The following PREX2 variants were observed in gnomAD, a reference collection of about 807,000 sequenced individuals.
PREX2 encodes the protein phosphatidylinositol 3,4,5-trisphosphate-dependent Rac exchanger 2 protein.
A neutral mutation model predicts 203.2 loss-of-function variants in PREX2; 107 were observed. The observed-to-expected ratio is 0.53, with a 90% CI of 0.45 to 0.62. The LOEUF is 0.62. PREX2 is among the 20% of genes least tolerant of loss of function. PREX2 has a pLI of 0.00. For missense variants in PREX2, 1,777 were observed against 1,955.9 expected (o/e 0.91, Z 1.72); for synonymous variants, 672 against 663.6 (o/e 1.01, Z -0.19).
chr8:68,050,207 A>G (rs990380936), intron 8 of PREX2, among the ~76,000 whole-genome samples: 4 of 152,134 alleles, frequency 2.6e-5, no homozygotes, highest in African/African-American at 7.2e-5. Context: ...TAGTGCAGCA[A>G]TTAAGCTGTT....
intron 18 of PREX2, among the ~76,000 whole-genome samples, chr8:68,086,240 G>GA (rs1809687264): frequency 6.6e-6 from 1 of 152,136 alleles, no homozygotes; most frequent in South Asian, 2.1e-4. Context: ...TCCGAGAGCA[G>GA]AAAATCTTCA....
intron 35 of PREX2, among the ~76,000 whole-genome samples, chr8:68,159,760 A>G (rs1056594268): frequency 1.3e-5 from 2 of 152,228 alleles, no homozygotes; most frequent in East Asian, 1.9e-4. Context: ...TAAAAGAACC[A>G]GTATATCTAA....
chr8:68,133,860 CG>C (rs1240742571), intron 31 of PREX2, among the ~76,000 whole-genome samples, 198 bp from the exon 32 acceptor site: 10 of 152,024 alleles, frequency 6.6e-5, no homozygotes, highest in African/African-American at 2.4e-4. Flanking sequence ...ATATTTCTAA[CG>C]TTTTTTGGTG....
At chr8:68,060,621 A>G in intron 10 of PREX2, 58 bp from the exon 11 acceptor site, 1 of 1,191,160 alleles carries the variant, frequency 8.4e-7, no homozygotes, top group Non-Finnish European at 1.2e-6. Flanking sequence ...GATGGTATAG[A>G]AAGACTTGCT....
At chr8:68,087,879 T>C in intron 19 of PREX2, 70 bp downstream of exon 19, 1 of 979,252 alleles carries the variant, frequency 1.0e-6, no homozygotes, top group Admixed American at 1.7e-5. Context: ...AACAGGAATG[T>C]GTTTAAAATA....
chr8:67,975,672 G>T (rs1806056355), intron 1 of PREX2, among the ~76,000 whole-genome samples: 1 of 146,432 alleles, frequency 6.8e-6, no homozygotes, highest in African/African-American at 2.5e-5. Flanking sequence ...ATATTTATCA[G>T]GATAGTAACT....
intron 1 of PREX2, among the ~76,000 whole-genome samples, chr8:67,953,864 A>G (rs1381736513): frequency 6.6e-6 from 1 of 152,224 alleles, no homozygotes; most frequent in Non-Finnish European, 1.5e-5. Flanking sequence ...TTGTCAAAAA[A>G]GTATGTTTTT....
chr8:67,969,147 C>T (rs1805855695), intron 1 of PREX2, among the ~76,000 whole-genome samples: 1 of 152,114 alleles, frequency 6.6e-6, no homozygotes, highest in Admixed American at 6.5e-5. Flanking sequence ...TTATCAAGAG[C>T]ACAGTGTTTG....
chr8:67,967,068 A>G (rs1169404528), intron 1 of PREX2, among the ~76,000 whole-genome samples: 1 of 152,124 alleles, frequency 6.6e-6, no homozygotes, highest in South Asian at 2.1e-4. Flanking sequence ...GCAGGCATTC[A>G]CTCTTTTCTG....
In PREX2 at chr8:68,118,613, C is replaced by T. The variant is rs753957537; in HGVS notation, c.3390C>T (p.Ser1130=). Residue 1130 remains serine (S), a synonymous_variant, in exon 27 of 40, where the codon AGC becomes AGT. Transcript: ENST00000288368. ...CCAGCATCTGCAGCAGCCAGTGCAGCTCGTATTTCCACAGTGATGAAATGG... is the reference window on the plus strand; with the variant it reads ...CCAGCATCTGCAGCAGCCAGTGCAGTTCGTATTTCCACAGTGATGAAATGG... ...SFTSICSSQC[S]SYFHSDEMDS... is the part of the protein sequence containing the mutation. The T allele has an allele frequency of 4.3e-6, 7 of 1,613,866 alleles. No homozygotes were observed. Among genetic ancestry groups the T allele is most frequent in the Non-Finnish European group, 5.9e-6 (7 of 1,179,906 alleles).
At chr8:67,972,501 C>G (rs12676935) in intron 1 of PREX2, among the ~76,000 whole-genome samples, 93,918 of 152,038 alleles carry the variant, frequency 0.62, 30,231 homozygotes, top group African/African-American at 0.8. Flanking sequence ...TCCCAACCTG[C>G]CTTTCAGACC....
At chr8:68,209,211 AATAG>A (rs1464682559) in intron 37 of PREX2, among the ~76,000 whole-genome samples, 1 of 152,146 alleles carries the variant, frequency 6.6e-6, no homozygotes, top group Non-Finnish European at 1.5e-5. Context: ...TTGGGGTTGA[AATAG>A]ATAGTCATTA....
chr8:68,047,469 TTATATATATATA>T (rs3056653), intron 8 of PREX2, among the ~76,000 whole-genome samples: 6,003 of 117,560 alleles, frequency 0.051, 232 homozygotes, highest in African/African-American at 0.097. Context: ...ATGGATGAAT[TTATATATATATA>T]TATATATATA....
chr8:67,965,363 A>T (rs1805737837), intron 1 of PREX2, among the ~76,000 whole-genome samples: 1 of 152,174 alleles, frequency 6.6e-6, no homozygotes, highest in African/African-American at 2.4e-5. Context: ...GCTTCCTAAC[A>T]GGTTTGAACC....
chr8:67,973,764 T>C (rs1805991591), intron 1 of PREX2, among the ~76,000 whole-genome samples: 1 of 152,154 alleles, frequency 6.6e-6, no homozygotes, highest in Non-Finnish European at 1.5e-5. Flanking sequence ...AACATTATCA[T>C]ATTTGGGCCT....
chr8:68,037,951 A>G (rs1808082268), intron 6 of PREX2, among the ~76,000 whole-genome samples: 1 of 152,174 alleles, frequency 6.6e-6, no homozygotes, highest in Non-Finnish European at 1.5e-5. Flanking sequence ...ATCTCTTAAC[A>G]GTGGTTCTGT....
chr8:68,163,781 T>A, intron 35 of PREX2, among the ~76,000 whole-genome samples: 1 of 152,008 alleles, frequency 6.6e-6, no homozygotes, highest in Non-Finnish European at 1.5e-5. Flanking sequence ...CAAAGACATT[T>A]CTCCAAGGTT....
In PREX2 at chr8:68,027,224, C is replaced by G. The variant is rs1458932100; in HGVS notation, c.444C>G (p.Asn148Lys). 1 of 1,607,632 alleles carries G rather than the reference C, an allele frequency of 6.2e-7. No individual in the cohort carries two copies. The highest frequency in any genetic ancestry group is 1.3e-5 in the African/African-American group (1 of 74,718). The part of the protein sequence containing the change: ...KIRTIRTFLL[N>K]CMLLGGRKNT... ...AATTTTGATTATTTTCACCCCAGAA[C>G]TGCATGCTGCTTGGAGGACGGAAGA... is the stretch of plus-strand genomic sequence containing the variant. The change falls in exon 5 of 40, where the codon AAC becomes AAG. Residue 148 changes from asparagine (N) to lysine (K), a missense_variant and splice_region_variant. Physicochemically the swap from Asn to Lys is moderately conservative, Grantham distance 94. Coordinates refer to ENST00000288368, the MANE Select transcript of PREX2 (RefSeq NM_024870.4).
intron 19 of PREX2, among the ~76,000 whole-genome samples, chr8:68,089,090 C>A (rs985408452): frequency 3.9e-5 from 6 of 152,160 alleles, no homozygotes; most frequent in African/African-American, 1.2e-4. Flanking sequence ...TCGTGTGGGT[C>A]ACTGCAGTCA....
Sources: gnomAD v4.1 joint callset for allele counts (sites outside exome capture counted in the v4.1 genomes callset) on GRCh38, gnomAD v4.1.1 for gene constraint, MANE v1.5 for transcripts, NCBI Gene and HGNC (gene_info 2026-07-23, HGNC 2026-07-21) for gene names.